DPYD: variants seen among roughly 807,000 people sequenced by gnomAD.
DPYD encodes the protein dihydropyrimidine dehydrogenase [NADP(+)].
DPYD carries 109 observed loss-of-function variants against 116.2 expected under a neutral mutation model. That is an observed-to-expected ratio of 0.94 (90% confidence interval 0.80 to 1.10). The LOEUF (loss-of-function observed/expected upper bound fraction) is 1.10. Among genes scored for constraint, DPYD ranks in the 50% least tolerant of loss-of-function variants. The pLI is 0.00. For missense variants in DPYD, 1,302 were observed against 1,254.5 expected (o/e 1.04, Z -0.57); for synonymous variants, 440 against 432.0 (o/e 1.02, Z -0.23).
At chr1:97,291,427 G>T (rs1666162682) in intron 18 of DPYD, among the ~76,000 whole-genome samples, 1 of 151,662 alleles carries the variant, frequency 6.6e-6, no homozygotes, top group South Asian at 2.1e-4. Context: ...GCAAAGACTT[G>T]GAACCAACCC....
chr1:97,515,762 C>A lies in DPYD; in HGVS notation c.1704G>T (p.Trp568Cys), dbSNP rs1260757806. 1 of 1,612,670 alleles carries A rather than the reference C, an allele frequency of 6.2e-7. No individual in the cohort carries two copies. Among genetic ancestry groups the A allele is most frequent in the South Asian group, 1.1e-5 (1 of 91,052 alleles). ...SMIRRAFEAG[W>C]GFALTKTFSL... ...AGAAAGTTTTGGTGAGGGCAAAACC[C>A]CATCCAGCTTCAAAAGCTCTTCGAA... is the stretch of plus-strand genomic sequence containing the variant. The change falls in exon 13 of 23, where the codon TGG becomes TGT. Residue 568 changes from tryptophan (W) to cysteine (C), a missense_variant. Coordinates refer to ENST00000370192, the MANE Select transcript of DPYD (RefSeq NM_000110.4).
intron 4 of DPYD, among the ~76,000 whole-genome samples, chr1:97,722,208 A>C (rs1662963122): frequency 1.3e-5 from 2 of 151,594 alleles, no homozygotes; most frequent in African/African-American, 4.8e-5. Context: ...TCTAATCAAA[A>C]GGAAGAATTG....
At chr1:97,304,360 T>C (rs966037454) in intron 18 of DPYD, among the ~76,000 whole-genome samples, 3 of 152,030 alleles carry the variant, frequency 2.0e-5, no homozygotes, top group African/African-American at 7.2e-5. Flanking sequence ...TCAGCCTTCT[T>C]CTTTCTGACA....
chr1:97,532,301 T>C (rs1393047415), intron 12 of DPYD, among the ~76,000 whole-genome samples: 1 of 152,128 alleles, frequency 6.6e-6, no homozygotes, highest in Non-Finnish European at 1.5e-5. Context: ...CATTGAAAGT[T>C]TTTGCATCCA....
In DPYD at chr1:97,613,631, T is replaced by G. The variant is rs556522429; in HGVS notation, c.851-18465A>C. 3.3e-5 allele frequency among the ~76,000 whole-genome samples: 5 copies of G among 152,134 alleles called. No individual in the cohort carries two copies. In the South Asian group the frequency reaches 1.0e-3, roughly 32 times the overall value. On this transcript the variant is annotated intron_variant, in intron 8 of 22. Transcript: ENST00000370192. ...CATTTGTTCAATATATATTTACTAA[T>G]TAAAATTATAAATGGAAAGAGCTAG...
intron 20 of DPYD, among the ~76,000 whole-genome samples, chr1:97,185,224 A>G (rs1168268500): frequency 3.9e-5 from 6 of 152,220 alleles, no homozygotes; most frequent in Non-Finnish European, 8.8e-5. Context: ...GCCAATAAGA[A>G]CATAAAGAAG....
In DPYD at chr1:97,814,385, A is replaced by G. The variant is rs77300681; in HGVS notation, c.233+13729T>C. Reference sequence around the variant, plus strand: ...CAAGCCTTTGGAGAGAAAGGTCACAATTTGGTTCATCCTGGTGATCTGTGG... The same window carrying G: ...CAAGCCTTTGGAGAGAAAGGTCACAGTTTGGTTCATCCTGGTGATCTGTGG... On this transcript the variant is annotated intron_variant, in intron 3 of 22. Coordinates refer to ENST00000370192, the MANE Select transcript of DPYD (RefSeq NM_000110.4). 4.9e-4 allele frequency among the ~76,000 whole-genome samples: 75 copies of G among 152,286 alleles called. 2 individuals carry two copies. In the East Asian group the frequency reaches 0.013, roughly 25 times the overall value.
At chr1:97,463,113 G>C (rs1332969721) in intron 13 of DPYD, among the ~76,000 whole-genome samples, 1 of 152,176 alleles carries the variant, frequency 6.6e-6, no homozygotes, top group Non-Finnish European at 1.5e-5. Context: ...TGCATGTAAT[G>C]ATTGATGTCT....
chr1:97,127,375 G>A (rs1420626133), intron 20 of DPYD, among the ~76,000 whole-genome samples: 1 of 152,086 alleles, frequency 6.6e-6, no homozygotes, highest in Admixed American at 6.6e-5. Context: ...CATTTTTGTA[G>A]GCAAAGGAGA....
At chr1:97,118,608 C>G (rs1015706363) in intron 20 of DPYD, among the ~76,000 whole-genome samples, 1 of 152,124 alleles carries the variant, frequency 6.6e-6, no homozygotes, top group Non-Finnish European at 1.5e-5. Flanking sequence ...TTGAAGAGTA[C>G]TGAACGTGGA....
At chr1:97,504,485 A>G (rs1679771354) in intron 13 of DPYD, among the ~76,000 whole-genome samples, 1 of 151,998 alleles carries the variant, frequency 6.6e-6, no homozygotes, top group African/African-American at 2.4e-5. Flanking sequence ...GTGTTGCAGC[A>G]GAGAAAAGCT....
intron 4 of DPYD, among the ~76,000 whole-genome samples, chr1:97,729,330 G>C (rs547715352): frequency 1.8e-4 from 28 of 152,064 alleles, no homozygotes; most frequent in African/African-American, 6.7e-4. Context: ...TTCATCACTT[G>C]AGACATGAAG....
intron 14 of DPYD, among the ~76,000 whole-genome samples, chr1:97,391,397 C>T (rs1399752275): frequency 1.3e-5 from 2 of 151,948 alleles, no homozygotes; most frequent in Non-Finnish European, 2.9e-5. Context: ...GATCAGAAAA[C>T]TAGGAATACC....
chr1:97,522,335 G>A (rs760520037), intron 12 of DPYD, among the ~76,000 whole-genome samples: 3 of 152,064 alleles, frequency 2.0e-5, no homozygotes, highest in Admixed American at 6.5e-5. Flanking sequence ...CATCATAGTC[G>A]GCTGTACATG....
chr1:97,686,592 G>C (rs535834363), intron 7 of DPYD, among the ~76,000 whole-genome samples: 1 of 131,530 alleles, frequency 7.6e-6, no homozygotes, highest in Non-Finnish European at 1.5e-5. Flanking sequence ...AGCCGAGATC[G>C]CGCCACTGCA....
chr1:97,515,716 A>G lies in DPYD; in HGVS notation c.1740+10T>C, dbSNP rs1648171977. ...GACATTTCTATATGACTTCAATAATATTTTCTTACCTTATCAAGAGAGAAA... is the reference window on the plus strand; with the variant it reads ...GACATTTCTATATGACTTCAATAATGTTTTCTTACCTTATCAAGAGAGAAA... On this transcript the variant is annotated intron_variant, in intron 13 of 22. Transcript: ENST00000370192. 1.2e-6 allele frequency: 2 copies of G among 1,610,548 alleles called. No individual in the cohort carries two copies. The highest frequency in any genetic ancestry group is 1.3e-5 in the African/African-American group (1 of 74,786).
At chr1:97,229,570 ATATATATATATATAT>A (rs1661445896) in intron 19 of DPYD, among the ~76,000 whole-genome samples, 2 of 133,136 alleles carry the variant, frequency 1.5e-5, no homozygotes, top group South Asian at 2.4e-4. Flanking sequence ...ATATATATAT[ATATATATATATATAT>A]ATATACTGAT....
At chr1:97,208,718 C>A (rs1423615799) in intron 19 of DPYD, among the ~76,000 whole-genome samples, 2 of 152,100 alleles carry the variant, frequency 1.3e-5, no homozygotes, top group African/African-American at 4.8e-5. Flanking sequence ...TTTTCACATT[C>A]AATTATCAAA....
At chr1:97,291,461 G>A (rs1279447883) in intron 18 of DPYD, among the ~76,000 whole-genome samples, 2 of 151,936 alleles carry the variant, frequency 1.3e-5, no homozygotes, top group Non-Finnish European at 2.9e-5. Context: ...TGATAGACTG[G>A]ATTAAGAAAA....
Sources: allele counts gnomAD v4.1 joint callset (sites outside exome capture counted in the v4.1 genomes callset), GRCh38; gene constraint gnomAD v4.1.1; transcripts MANE v1.5; gene names NCBI Gene and HGNC (gene_info 2026-07-23, HGNC 2026-07-21).